Variants in EPB41L1 observed in about 807,000 individuals in gnomAD.
EPB41L1 encodes erythrocyte membrane protein band 4.1 like 1, also known as band 4.1-like protein 1.
EPB41L1 carries 29 observed loss-of-function variants against 97.8 expected under a neutral mutation model. The observed-to-expected ratio is 0.30, with a 90% CI of 0.22 to 0.40. The LOEUF is 0.40. EPB41L1 is among the 10% of genes least tolerant of loss of function. EPB41L1 has a pLI of 1.00. For synonymous variants in EPB41L1, 383 were observed against 459.2 expected, an observed-to-expected ratio of 0.83 and a Z score of 2.12; for missense variants, 812 against 1,162.3, an observed-to-expected ratio of 0.70 and a Z score of 4.38.
intron 2 of EPB41L1, among the ~76,000 whole-genome samples, chr20:36,132,679 A>C (rs2147768569): frequency 7.6e-6 from 1 of 132,012 alleles, no homozygotes; most frequent in Non-Finnish European, 1.6e-5. Flanking sequence ...TCCAAGATGG[A>C]GGGAGGGCTT....
rs2057728962 is a variant in EPB41L1 at position 36,093,534 on chromosome 20, G to T, written c.-65+1922G>T. On this transcript the variant is annotated intron_variant, in intron 1 of 19. Transcript: ENST00000202028. The surrounding 1 kb of genome is among the most constrained non-coding windows in gnomAD (Gnocchi z 5.4). ...TGGGCGGTGGGTGGCGGCGGCGGGG[G>T]TGTCCCTTCCCCGTCGGGCAGAGAC... 1.3e-5 allele frequency among the ~76,000 whole-genome samples: 2 copies of T among 152,082 alleles called. No homozygotes were observed. Among genetic ancestry groups the T allele is most frequent in the Admixed American group, 1.3e-4 (2 of 15,288 alleles).
chr20:36,098,181 G>A (rs2057895234), intron 1 of EPB41L1, among the ~76,000 whole-genome samples: 1 of 152,188 alleles, frequency 6.6e-6, no homozygotes, highest in South Asian at 2.1e-4. Context: ...CCTGGAAGGT[G>A]CAGGAGAGGT....
Position 36,185,043 on chromosome 20 carries a change from G to A in EPB41L1, c.567-74G>A. 2 of 1,461,522 alleles carry A rather than the reference G, an allele frequency of 1.4e-6. 1 individual carries two copies. The highest frequency in any genetic ancestry group is 2.3e-5 in the South Asian group (2 of 87,554). The allele number at this position is 1,461,522 out of a possible 1,614,324, so 90.5% of individuals were successfully genotyped here. On this transcript the variant is annotated intron_variant, in intron 6 of 21. Transcript: ENST00000338074. Reference sequence around the variant, plus strand: ...GCTGAGCTATGTTCTATTTAGTTCTGATGGACAGCTGTGCTTGGGGGATCT... The same window carrying A: ...GCTGAGCTATGTTCTATTTAGTTCTAATGGACAGCTGTGCTTGGGGGATCT...
intron 2 of EPB41L1, among the ~76,000 whole-genome samples, chr20:36,148,126 C>G (rs1374241027): frequency 1.3e-5 from 2 of 152,146 alleles, no homozygotes; most frequent in African/African-American, 4.8e-5. Context: ...ATGGCCAACA[C>G]ATACTATGCA....
chr20:36,219,351 T>C (rs2063637212), intron 18 of EPB41L1, among the ~76,000 whole-genome samples: 1 of 152,206 alleles, frequency 6.6e-6, no homozygotes, highest in Non-Finnish European at 1.5e-5. Context: ...AGTCTGTCAC[T>C]GTAGGGTCTC....
intron 5 of EPB41L1, among the ~76,000 whole-genome samples, chr20:36,178,945 C>T (rs1427952758): frequency 2.6e-5 from 4 of 151,812 alleles, no homozygotes; most frequent in African/African-American, 7.3e-5. Context: ...CTTGTAATCC[C>T]AGCTACTCGG....
chr20:36,157,991 G>A (rs1333351687), intron 1 of EPB41L1, among the ~76,000 whole-genome samples: 3 of 152,200 alleles, frequency 2.0e-5, no homozygotes, highest in African/African-American at 4.8e-5. Context: ...TATGTGCCAG[G>A]CCCAGTTTTA....
intron 1 of EPB41L1, among the ~76,000 whole-genome samples, chr20:36,168,955 T>C (rs1338654693): frequency 6.6e-6 from 1 of 151,368 alleles, no homozygotes; most frequent in African/African-American, 2.4e-5. Flanking sequence ...AGGCCAGGCA[T>C]GGTGGCTCAC....
intron 2 of EPB41L1, among the ~76,000 whole-genome samples, chr20:36,141,595 C>T (rs1223162710): frequency 6.6e-6 from 1 of 152,126 alleles, no homozygotes; most frequent in African/African-American, 2.4e-5. Flanking sequence ...CTAGGAGGGA[C>T]CTTCAATGGT....
chr20:36,143,391 T>A (rs1428968662), intron 2 of EPB41L1, among the ~76,000 whole-genome samples: 1 of 151,686 alleles, frequency 6.6e-6, no homozygotes, highest in Non-Finnish European at 1.5e-5. Flanking sequence ...ATGGAGAGGG[T>A]GACTTCAGAG....
At chr20:36,146,013 C>G (rs895408068) in intron 2 of EPB41L1, among the ~76,000 whole-genome samples, 2 of 152,196 alleles carry the variant, frequency 1.3e-5, no homozygotes, top group African/African-American at 4.8e-5. Flanking sequence ...TCTGCCCTGC[C>G]TTTAATGCCC....
At position 36,226,240 on chromosome 20, in the gene EPB41L1, T is replaced by TCTCAA. The variant is rs563381255; in HGVS notation, c.2638-3091_2638-3087dup. ...GGAAGAGCTCTGTACTCCTGCAGAG[T>TCTCAA]CTCAAGCCCTGCCCTTTATTAGCTG... On this transcript the variant is annotated intron_variant, in intron 21 of 21. Transcript: ENST00000338074. Among the ~76,000 whole-genome samples the TCTCAA allele has an allele frequency of 4.2e-3, 635 of 152,278 alleles. 4 individuals are homozygous for TCTCAA. The highest frequency in any genetic ancestry group is 7.9e-3 in the South Asian group (38 of 4,822).
intron 6 of EPB41L1, among the ~76,000 whole-genome samples, chr20:36,184,683 A>C (rs951210795): frequency 6.6e-6 from 1 of 152,214 alleles, no homozygotes; most frequent in African/African-American, 2.4e-5. Context: ...ACAGGTAAGA[A>C]ACACCCATAA....
intron 2 of EPB41L1, among the ~76,000 whole-genome samples, chr20:36,113,373 T>C (rs1200064672): frequency 6.6e-6 from 1 of 152,062 alleles, no homozygotes; most frequent in Non-Finnish European, 1.5e-5. Context: ...TGGTTCAATG[T>C]GAAGTATCTT....
At chr20:36,127,519 G>A (rs991556815) in intron 2 of EPB41L1, among the ~76,000 whole-genome samples, 7 of 152,100 alleles carry the variant, frequency 4.6e-5, no homozygotes, top group African/African-American at 1.2e-4. Context: ...TTGCTCATTC[G>A]TCTTTCACTA....
At chr20:36,180,776 A>T (rs999060203) in intron 5 of EPB41L1, among the ~76,000 whole-genome samples, 10 of 152,094 alleles carry the variant, frequency 6.6e-5, no homozygotes, top group African/African-American at 2.4e-4. Context: ...ATTTATTTTT[A>T]TTATTATTAT....
chr20:36,214,581 G>C (rs961533837), intron 17 of EPB41L1, 141 bp downstream of exon 17: 2 of 731,508 alleles, frequency 2.7e-6, no homozygotes, highest in Non-Finnish European at 4.8e-6. Context: ...TAAGTCAGCT[G>C]TTTATTATCT....
intron 2 of EPB41L1, among the ~76,000 whole-genome samples, chr20:36,138,455 G>A (rs566255455): frequency 8.6e-4 from 130 of 151,966 alleles, no homozygotes; most frequent in Middle Eastern, 6.8e-3. Flanking sequence ...TAGAGACAGG[G>A]TTTCACCATG....
At chr20:36,107,695 T>TGG (rs199776066) in intron 1 of EPB41L1, among the ~76,000 whole-genome samples, 1 of 151,492 alleles carries the variant, frequency 6.6e-6, no homozygotes, top group Non-Finnish European at 1.5e-5. Flanking sequence ...CCAGGCGTGG[T>TGG]GCACGTGCCT....
Sources: allele counts gnomAD v4.1 joint callset (sites outside exome capture counted in the v4.1 genomes callset), GRCh38; gene constraint gnomAD v4.1.1; non-coding constraint Gnocchi (gnomAD v3.1); transcripts MANE v1.5; gene names NCBI Gene and HGNC (gene_info 2026-07-23, HGNC 2026-07-21).